The following SLC71A2 variants were observed in gnomAD, a reference collection of about 807,000 sequenced individuals.
SLC71A2 encodes the protein hippocampus abundant transcript-like 1.
chr9:94,386,896 T>C, the SLC71A2 span, among the ~76,000 whole-genome samples: 3 of 152,214 alleles, frequency 2.0e-5, no homozygotes, highest in Non-Finnish European at 2.9e-5. Flanking sequence ...TGTGGCTCTT[T>C]CTTGAGATGG....
At chr9:94,384,799 C>G in the SLC71A2 span, among the ~76,000 whole-genome samples, 1 of 151,930 alleles carries the variant, frequency 6.6e-6, no homozygotes, top group Middle Eastern at 3.2e-3. Context: ...GTGGGACTGT[C>G]AGGGCTATTG....
chr9:94,434,190 A>C, the SLC71A2 span, among the ~76,000 whole-genome samples: 2 of 152,324 alleles, frequency 1.3e-5, no homozygotes, highest in Non-Finnish European at 2.9e-5. Flanking sequence ...TTTTAAAATC[A>C]ATACTTTAAA....
the SLC71A2 span, among the ~76,000 whole-genome samples, chr9:94,387,420 G>T: frequency 2.1e-5 from 3 of 142,588 alleles, no homozygotes; most frequent in Non-Finnish European, 4.6e-5. Flanking sequence ...GTCTCACCTG[G>T]TTTGCTATTT....
the SLC71A2 span, among the ~76,000 whole-genome samples, chr9:94,387,626 T>C: frequency 5.3e-5 from 8 of 152,246 alleles, no homozygotes; most frequent in African/African-American, 1.9e-4. Context: ...ACAATGGAGC[T>C]GGGACTTTCT....
At chr9:94,449,199 G>A in the SLC71A2 span, among the ~76,000 whole-genome samples, 1 of 152,104 alleles carries the variant, frequency 6.6e-6, no homozygotes, top group African/African-American at 2.4e-5. Context: ...ATATGCTCAT[G>A]TCACCACCAC....
At chr9:94,411,640 G>T in the SLC71A2 span, among the ~76,000 whole-genome samples, 1 of 151,532 alleles carries the variant, frequency 6.6e-6, no homozygotes, top group Non-Finnish European at 1.5e-5. Context: ...GCCCAGGCTG[G>T]AGTGCAATGG....
chr9:94,445,174 C>A, the SLC71A2 span: 31 of 1,608,868 alleles, frequency 1.9e-5, no homozygotes, highest in Admixed American at 4.9e-4. Context: ...ACAAGCAGAC[C>A]CTTTTGCGGT....
the SLC71A2 span, among the ~76,000 whole-genome samples, chr9:94,456,820 A>T: frequency 6.6e-6 from 1 of 152,218 alleles, no homozygotes; most frequent in Non-Finnish European, 1.5e-5. Context: ...TGAGTGAGAG[A>T]TGAAATTAAA....
At chr9:94,429,912 T>A in the SLC71A2 span, among the ~76,000 whole-genome samples, 15,692 of 150,628 alleles carry the variant, frequency 0.1, 1,465 homozygotes, top group East Asian at 0.35. Context: ...TTATTTTATT[T>A]TTTTTTTTTT....
the SLC71A2 span, among the ~76,000 whole-genome samples, chr9:94,381,720 C>T: frequency 1.3e-5 from 2 of 152,138 alleles, no homozygotes; most frequent in African/African-American, 4.8e-5. Context: ...CGTGTAATCC[C>T]AGCACTTTGG....
At chr9:94,439,868 A>C in the SLC71A2 span, among the ~76,000 whole-genome samples, 1 of 152,030 alleles carries the variant, frequency 6.6e-6, no homozygotes, top group Non-Finnish European at 1.5e-5. Context: ...AGGTATATTA[A>C]TGTCATCTGT....
the SLC71A2 span, chr9:94,415,163 A>G: frequency 6.2e-7 from 1 of 1,612,420 alleles, no homozygotes; most frequent in Non-Finnish European, 8.5e-7. Context: ...TTTAGCTACA[A>G]GGCTTTGGCC....
the SLC71A2 span, chr9:94,441,115 A>G: frequency 6.9e-5 from 96 of 1,382,118 alleles, no homozygotes; most frequent in African/African-American, 1.1e-3. Context: ...ATAATAGACT[A>G]TATATATTTT....
chr9:94,417,350 G>A, the SLC71A2 span, among the ~76,000 whole-genome samples: 4 of 152,036 alleles, frequency 2.6e-5, no homozygotes, highest in East Asian at 5.8e-4. Flanking sequence ...ACTTTAGGCC[G>A]GGCGCGGAGG....
At chr9:94,391,678 A>G in the SLC71A2 span, among the ~76,000 whole-genome samples, 1 of 148,978 alleles carries the variant, frequency 6.7e-6, no homozygotes, top group Admixed American at 6.7e-5. Context: ...GCCTCTGTTC[A>G]GGAGTTTGAG....
At chr9:94,453,186 G>A in the SLC71A2 span, among the ~76,000 whole-genome samples, 2 of 130,556 alleles carry the variant, frequency 1.5e-5, no homozygotes, top group African/African-American at 5.9e-5. Flanking sequence ...GTCTCGCTCT[G>A]TCACCCAGGC....
chr9:94,396,770 TA>T, the SLC71A2 span, among the ~76,000 whole-genome samples: 1 of 152,150 alleles, frequency 6.6e-6, no homozygotes, highest in Admixed American at 6.5e-5. Context: ...TGCTCTAATA[TA>T]TTTTTTTTCT....
chr9:94,418,587 C>T, the SLC71A2 span, among the ~76,000 whole-genome samples: 1 of 151,912 alleles, frequency 6.6e-6, no homozygotes, highest in African/African-American at 2.4e-5. Flanking sequence ...AGGTGTGTGC[C>T]ACCACGTCCG....
the SLC71A2 span, among the ~76,000 whole-genome samples, chr9:94,403,293 C>T: frequency 2.0e-5 from 3 of 152,136 alleles, no homozygotes; most frequent in East Asian, 3.9e-4. Context: ...CCCGCCACCA[C>T]GCCTGGCTAA....
Sources: gnomAD v4.1 joint callset for allele counts (sites outside exome capture counted in the v4.1 genomes callset) on GRCh38, gnomAD v4.1.1 for gene constraint, MANE v1.5 for transcripts, NCBI Gene and HGNC (gene_info 2026-07-23, HGNC 2026-07-21) for gene names.